ERRFI1: variants seen among roughly 807,000 people sequenced by gnomAD.
ERRFI1 encodes ERBB receptor feedback inhibitor 1.
ERRFI1 carries 12 observed loss-of-function variants against 14.6 expected under a neutral mutation model. The observed-to-expected ratio is 0.82, with a 90% CI of 0.53 to 1.33. ERRFI1 has a LOEUF of 1.33. Ranked by LOEUF, ERRFI1 falls within the 40% of genes most tolerant of loss-of-function variation. The pLI is 0.00. For missense variants in ERRFI1, 482 were observed against 572.1 expected (o/e 0.84, Z 1.61); for synonymous variants, 202 against 209.9 (o/e 0.96, Z 0.32).
intron 1 of ERRFI1, among the ~76,000 whole-genome samples, chr1:8,024,217 T>C (rs373704947): frequency 6.6e-6 from 1 of 152,190 alleles, no homozygotes. Flanking sequence ...AGCTCAACTT[T>C]TGAGAAGCAG....
rs1641092440 is a variant in ERRFI1, at chr1:8,012,056, CTA to C, written c.*1152_*1153del. ...AAGGATGTGAAAATCGGAACACCAA[CTA>C]TGTGTCTCACTGCATCTAAGTGAAG... On this transcript the variant is annotated 3_prime_UTR_variant, in exon 4 of 4. Coordinates refer to ENST00000377482, the MANE Select transcript of ERRFI1 (RefSeq NM_018948.4). The C allele has an allele frequency of 4.3e-6, 1 of 230,318 alleles. No homozygotes were observed. Among genetic ancestry groups the C allele is most frequent in the South Asian group, 1.8e-4 (1 of 5,504 alleles). The allele number at this position is 230,318 out of a possible 1,614,324, so 14.3% of individuals were successfully genotyped here.
chr1:8,020,793 C>T (rs1211081251), intron 1 of ERRFI1, among the ~76,000 whole-genome samples: 1 of 152,134 alleles, frequency 6.6e-6, no homozygotes, highest in Non-Finnish European at 1.5e-5. Flanking sequence ...GATCCTCCTG[C>T]CTCGGCCTCC....
intron 3 of ERRFI1, chr1:8,014,923 A>T (rs752994234): frequency 1.4e-5 from 3 of 210,632 alleles, no homozygotes; most frequent in African/African-American, 2.3e-5. Flanking sequence ...CTATTTTTTA[A>T]GTTTTGAGGA....
chr1:8,013,345 A>G lies in ERRFI1; in HGVS notation c.1254T>C (p.Asn418=), dbSNP rs1250324639. Residue 418 remains asparagine (N), a synonymous_variant, in exon 4 of 4, where the codon AAT becomes AAC. Coordinates refer to ENST00000377482, the MANE Select transcript of ERRFI1 (RefSeq NM_018948.4). This position sits in a 1 kb window ranked among gnomAD's most constrained non-coding sequence, Gnocchi z 4.3. ...EKFFREAEET[N]GGAQIQPLPA... is the part of the protein sequence containing the mutation. ...GTAATGGCTGGATTTGGGCGCCTCC[A>G]TTTGTTTCTTCTGCTTCCCTAAAAA... The G allele has an allele frequency of 1.2e-6, 2 of 1,614,116 alleles. No individual in the cohort carries two copies. Among genetic ancestry groups the G allele is most frequent in the Non-Finnish European group, 1.7e-6 (2 of 1,180,024 alleles).
intron 1 of ERRFI1, among the ~76,000 whole-genome samples, chr1:8,017,675 T>C (rs1378587237): frequency 1.3e-5 from 2 of 152,262 alleles, no homozygotes; most frequent in African/African-American, 4.8e-5. Flanking sequence ...ATAGGAAGAA[T>C]ATGGTATTTA....
rs1641110094 is a variant in ERRFI1, at chr1:8,013,106, T to C, written c.*104A>G. 1 of 993,054 alleles carries C rather than the reference T, an allele frequency of 1.0e-6. No individual in the cohort carries two copies. The highest frequency in any genetic ancestry group is 1.5e-6 in the Non-Finnish European group (1 of 675,096). 61.5% of individuals were successfully genotyped at this position (993,054 alleles called of 1,614,324 possible). ...CACATGAAGACAGAGAGTTCAACTA[T>C]TTTATTTTGCAATCTAAGGGATTTT... On this transcript the variant is annotated 3_prime_UTR_variant, in exon 4 of 4. Coordinates refer to ENST00000377482, the MANE Select transcript of ERRFI1 (RefSeq NM_018948.4). The surrounding 1 kb of genome is among the most constrained non-coding windows in gnomAD (Gnocchi z 4.3).
Position 8,014,348 on chromosome 1 carries a change from T to C in ERRFI1, c.251A>G (p.Asn84Ser), listed in dbSNP as rs748841580. The change falls in exon 4 of 4, where the codon AAT becomes AGT. Residue 84 changes from asparagine to serine, a missense_variant. Asn to Ser is a conservative substitution (Grantham distance 46). Transcript: ENST00000377482. Reference protein sequence around the residue: ...APMNGHCFAENGPSQKSSLPP... With the variant: ...APMNGHCFAESGPSQKSSLPP... ...CAAGCTGGACTTTTGAGATGGACCA[T>C]TTTCTGCAAAGCAGTGGCCATTCAT... is the stretch of plus-strand genomic sequence containing the variant. 2 of 1,608,054 alleles carry C rather than the reference T, an allele frequency of 1.2e-6. No individual in the cohort carries two copies. The highest frequency in any genetic ancestry group is 2.7e-5 in the African/African-American group (2 of 74,770).
chr1:8,021,171 G>A (rs1206083921), intron 1 of ERRFI1, among the ~76,000 whole-genome samples: 1 of 152,050 alleles, frequency 6.6e-6, no homozygotes, highest in Non-Finnish European at 1.5e-5. Context: ...TGTAGGTGGT[G>A]AAATAGAGGC....
rs181909900 is a variant in ERRFI1 at position 8,020,083 on chromosome 1, A to G, written c.-73-4391T>C. ...TCTCTTTGAAACTGCTTAAAAAAAA[A>G]AAAAAAAGAAAAATGCAGGCTACCT... is the stretch of plus-strand genomic sequence containing the variant. On this transcript the variant is annotated intron_variant, in intron 1 of 3. Coordinates refer to ENST00000377482, the MANE Select transcript of ERRFI1 (RefSeq NM_018948.4). Among the ~76,000 whole-genome samples, 404 of 152,090 alleles carry G rather than the reference A, an allele frequency of 2.7e-3. 3 individuals carry two copies. The highest frequency in any genetic ancestry group is 9.3e-3 in the African/African-American group (384 of 41,492).
intron 1 of ERRFI1, among the ~76,000 whole-genome samples, chr1:8,025,791 C>A (rs116039146): frequency 1.3e-5 from 2 of 152,130 alleles, no homozygotes. Flanking sequence ...CCTGCGGTCC[C>A]GGTGCTGCGG....
In ERRFI1 at chr1:8,015,616, A is replaced by T. The variant is rs765734320; in HGVS notation, c.4T>A (p.Ser2Thr). Residue 2 changes from serine to threonine, a missense_variant, in exon 2 of 4, where the codon TCA becomes ACA. Transcript: ENST00000377482. M[S>T]IAGVAAQEIR... ...TCCTGAGCAGCAACTCCTGCTATTG[A>T]CATTGTGCCTTATTCTGGGACATCT... 6.2e-7 allele frequency: 1 copy of T among 1,614,118 alleles called. No homozygotes were observed. Among genetic ancestry groups the T allele is most frequent in the South Asian group, 1.1e-5 (1 of 91,084 alleles).
rs1641139178 is a variant in ERRFI1, at chr1:8,014,286, G to A, written c.313C>T (p.Pro105Ser). 3 of 1,614,110 alleles carry A rather than the reference G, an allele frequency of 1.9e-6. No homozygotes were observed. The highest frequency in any genetic ancestry group is 1.7e-6 in the Non-Finnish European group (2 of 1,179,980). The change falls in exon 4 of 4, where the codon CCA becomes TCA. Residue 105 changes from proline to serine, a missense_variant. By Grantham distance (74) the Pro-to-Ser change is moderately conservative (BLOSUM62 -1). Transcript: ENST00000377482. ...CATACAACTTGATCCTCTTCATGTG[G>A]TCCCAAGTTTTCACTTGGGGGAATA... ...LLIPPSENLG[P>S]HEEDQVVCGF... is the part of the protein sequence containing the mutation.
intron 3 of ERRFI1, chr1:8,015,107 T>A: frequency 1.8e-6 from 1 of 568,820 alleles, no homozygotes; most frequent in Non-Finnish European, 3.1e-6. Flanking sequence ...TAGCAATCAG[T>A]GACTCAGAAT....
chr1:8,015,262 T>C (rs1388320883), intron 3 of ERRFI1, 46 bp downstream of exon 3: 1 of 1,552,734 alleles, frequency 6.4e-7, no homozygotes, highest in Non-Finnish European at 8.9e-7. Flanking sequence ...GAATCCAGAC[T>C]GTTCTTCTCA....
chr1:8,016,484 T>TAA (rs1641175688), intron 1 of ERRFI1, among the ~76,000 whole-genome samples: 1 of 152,226 alleles, frequency 6.6e-6, no homozygotes, highest in Non-Finnish European at 1.5e-5. Context: ...CTGCAAGGCA[T>TAA]GGATAACAAA....
chr1:8,019,838 G>C (rs1641251000), intron 1 of ERRFI1, among the ~76,000 whole-genome samples: 1 of 152,138 alleles, frequency 6.6e-6, no homozygotes, highest in Non-Finnish European at 1.5e-5. Flanking sequence ...TAACAGTGTA[G>C]CTTTCTAAAC....
At chr1:8,014,764 T>G in intron 3 of ERRFI1, 3 of 237,854 alleles carry the variant, frequency 1.3e-5, no homozygotes, top group Non-Finnish European at 1.6e-5. Flanking sequence ...GCGACCATAC[T>G]AGGCACGTAG....
rs143650987 is a variant in ERRFI1 at position 8,013,865 on chromosome 1, C to T, written c.734G>A (p.Arg245Lys). 1.1e-4 allele frequency: 178 copies of T among 1,614,124 alleles called. No individual in the cohort carries two copies. Among genetic ancestry groups the T allele is most frequent in the Admixed American group, 4.0e-4 (24 of 60,014 alleles). ...TGGTCCCGAATGAGACCTTCTTAAT[C>T]TTCGGTGGGTCTGAGGTGGAGGAGG... Reference protein sequence around the residue: ...PNPPPPQTHRRLRRSHSGPAG... With the variant: ...PNPPPPQTHRKLRRSHSGPAG... The change falls in exon 4 of 4, where the codon AGA becomes AAA. Residue 245 changes from arginine to lysine, a missense_variant. By Grantham distance (26) the Arg-to-Lys change is conservative. Coordinates refer to ENST00000377482, the MANE Select transcript of ERRFI1 (RefSeq NM_018948.4). The surrounding 1 kb of genome is among the most constrained non-coding windows in gnomAD (Gnocchi z 4.3).
At chr1:8,021,953 A>G (rs1641279324) in intron 1 of ERRFI1, among the ~76,000 whole-genome samples, 1 of 152,196 alleles carries the variant, frequency 6.6e-6, no homozygotes, top group Non-Finnish European at 1.5e-5. Flanking sequence ...CCGACTGACT[A>G]TACTGCTCAA....
Sources: allele counts gnomAD v4.1 joint callset (sites outside exome capture counted in the v4.1 genomes callset), GRCh38; gene constraint gnomAD v4.1.1; non-coding constraint Gnocchi (gnomAD v3.1); transcripts MANE v1.5; gene names NCBI Gene and HGNC (gene_info 2026-07-23, HGNC 2026-07-21).